The following PAH variants were observed in gnomAD, a reference collection of about 807,000 sequenced individuals.
The protein encoded by PAH is phenylalanine hydroxylase, also known as phenylalanine-4-hydroxylase.
Under a neutral mutation model 62.0 loss-of-function variants are expected in PAH, and 64 were observed. That is an observed-to-expected ratio of 1.03 (90% CI 0.84 to 1.27). The LOEUF (loss-of-function observed/expected upper bound fraction) is 1.27. Among genes scored for constraint, PAH ranks in the 50% most tolerant of loss-of-function variants. The probability of loss-of-function intolerance (pLI) is 0.00; values close to 1 mark genes in which losing one functional copy is unlikely to be tolerated. For synonymous variants in PAH, 195 were observed against 196.2 expected, an observed-to-expected ratio of 0.99 and a Z score of 0.05; for missense variants, 579 against 542.8, an observed-to-expected ratio of 1.07 and a Z score of -0.66.
intron 3 of PAH, among the ~76,000 whole-genome samples, chr12:102,894,450 A>C (rs945642591): frequency 1.3e-5 from 2 of 151,372 alleles, no homozygotes; most frequent in African/African-American, 4.8e-5. Flanking sequence ...AAGAAAAAAG[A>C]AATAGCTATC....
chr12:102,860,188 GACAA>G (rs1380564808), intron 5 of PAH, among the ~76,000 whole-genome samples: 2 of 152,116 alleles, frequency 1.3e-5, no homozygotes, highest in East Asian at 1.9e-4. Flanking sequence ...ACCAATAACA[GACAA>G]ACAGAGAGCC....
chr12:102,840,063 C>T (rs1026938530), intron 12 of PAH, among the ~76,000 whole-genome samples: 1 of 151,982 alleles, frequency 6.6e-6, no homozygotes. Flanking sequence ...GTGGATAGAA[C>T]CAGGCAGAGT....
chr12:102,955,165 T>C (rs1879875105), upstream of PAH, among the ~76,000 whole-genome samples: 1 of 152,140 alleles, frequency 6.6e-6, no homozygotes, highest in Non-Finnish European at 1.5e-5. Flanking sequence ...GCACTTCCAC[T>C]CCATTTGGGC....
chr12:102,949,280 T>A (rs1879639111), intron 1 of PAH, among the ~76,000 whole-genome samples: 1 of 152,204 alleles, frequency 6.6e-6, no homozygotes, highest in African/African-American at 2.4e-5. Context: ...GCCATAATCC[T>A]GGCACCAGCA....
chr12:102,891,736 C>T (rs1347550565), intron 3 of PAH, among the ~76,000 whole-genome samples: 1 of 152,152 alleles, frequency 6.6e-6, no homozygotes, highest in Non-Finnish European at 1.5e-5. Context: ...TTAACTCCCC[C>T]TCAATGTCCC....
chr12:102,942,536 AT>A (rs1022646608), intron 1 of PAH, among the ~76,000 whole-genome samples: 3 of 151,710 alleles, frequency 2.0e-5, no homozygotes, highest in African/African-American at 2.4e-5. Context: ...TACCAATGAC[AT>A]TTTTTTTCAC....
chr12:102,847,086 T>A, intron 8 of PAH, 135 bp from the exon 9 acceptor site: 1 of 729,424 alleles, frequency 1.4e-6, no homozygotes, highest in South Asian at 1.5e-5. Flanking sequence ...GAGTGTGTTA[T>A]CAAGTCTTTC....
At chr12:102,892,384 G>GA (rs35776069) in intron 3 of PAH, among the ~76,000 whole-genome samples, 70,240 of 151,746 alleles carry the variant, frequency 0.46, 19,375 homozygotes, top group African/African-American at 0.77. Context: ...TTTTACAGTA[G>GA]AAAAAAAATA....
upstream of PAH, among the ~76,000 whole-genome samples, chr12:102,951,821 T>C (rs1162786169): frequency 1.3e-5 from 2 of 151,330 alleles, no homozygotes; most frequent in African/African-American, 2.4e-5. Flanking sequence ...TGAGTCTGTT[T>C]TATGTTCCCC....
intron 1 of PAH, among the ~76,000 whole-genome samples, chr12:102,937,680 T>C (rs1339712499): frequency 1.3e-5 from 2 of 152,196 alleles, no homozygotes; most frequent in Admixed American, 1.3e-4. Flanking sequence ...TTTTCGTCAT[T>C]CTACTCAAGA....
intron 12 of PAH, among the ~76,000 whole-genome samples, chr12:102,839,734 C>T (rs925880538): frequency 4.6e-5 from 7 of 152,352 alleles, no homozygotes; most frequent in Middle Eastern, 3.4e-3. Flanking sequence ...GCAGATAACT[C>T]AGTCTAGATG....
chr12:102,909,248 A>G (rs964378042), intron 2 of PAH, among the ~76,000 whole-genome samples: 2 of 152,120 alleles, frequency 1.3e-5, no homozygotes, highest in African/African-American at 4.8e-5. Context: ...ATGTTCCTCA[A>G]TTAGGATTCA....
At chr12:102,919,958 T>C (rs1043915082), upstream of PAH, among the ~76,000 whole-genome samples, 1 of 152,164 alleles carries the variant, frequency 6.6e-6, no homozygotes, top group Non-Finnish European at 1.5e-5. Flanking sequence ...TATAGGTATA[T>C]ACCCAGCAGT....
upstream of PAH, among the ~76,000 whole-genome samples, chr12:102,920,833 A>G (rs1357029225): frequency 6.6e-6 from 1 of 152,238 alleles, no homozygotes; most frequent in Non-Finnish European, 1.5e-5. Flanking sequence ...GGATCCAGCC[A>G]TGCTGCTGAA....
intron 5 of PAH, among the ~76,000 whole-genome samples, chr12:102,859,356 C>T (rs866734829): frequency 5.6e-4 from 86 of 152,274 alleles, no homozygotes; most frequent in African/African-American, 2.1e-3. Context: ...AAAAAAAGTA[C>T]AGGACCAGAT....
intron 5 of PAH, among the ~76,000 whole-genome samples, chr12:102,856,374 G>T (rs574156556): frequency 6.6e-6 from 1 of 152,272 alleles, no homozygotes; most frequent in African/African-American, 2.4e-5. Flanking sequence ...GCTCAAGGAG[G>T]CCTGCCTGCC....
chr12:102,937,224 A>G (rs1459536701), intron 1 of PAH, among the ~76,000 whole-genome samples: 1 of 152,178 alleles, frequency 6.6e-6, no homozygotes, highest in Admixed American at 6.5e-5. Flanking sequence ...AGAAAGAACT[A>G]ATACTGAGAG....
intron 2 of PAH, among the ~76,000 whole-genome samples, chr12:102,905,429 T>C (rs1448818348): frequency 6.6e-6 from 1 of 152,188 alleles, no homozygotes; most frequent in Non-Finnish European, 1.5e-5. Context: ...ATATTTTGTT[T>C]CAACATTCCC....
chr12:102,838,908 A>G lies in PAH; in HGVS notation c.*267T>C, dbSNP rs1057018122. The G allele has an allele frequency of 1.4e-5, 7 of 513,076 alleles. No homozygotes were observed. In the Admixed American group the frequency reaches 2.4e-4, roughly 17 times the overall value. 31.8% of individuals were successfully genotyped at this position (513,076 alleles called of 1,614,324 possible). On this transcript the variant is annotated 3_prime_UTR_variant, in exon 13 of 13. Transcript: ENST00000553106. Reference sequence around the variant, plus strand: ...AATTAATCTTGATGAAATGCGACAGATTACTGATTTAACTCAATTGAGAGT... The same window carrying G: ...AATTAATCTTGATGAAATGCGACAGGTTACTGATTTAACTCAATTGAGAGT...
Sources: gnomAD v4.1 joint callset for allele counts (sites outside exome capture counted in the v4.1 genomes callset) on GRCh38, gnomAD v4.1.1 for gene constraint, MANE v1.5 for transcripts, NCBI Gene and HGNC (gene_info 2026-07-23, HGNC 2026-07-21) for gene names.